Variants in CDC14B observed in about 807,000 individuals in gnomAD.
CDC14B encodes the protein cell division cycle 14B, also known as dual specificity protein phosphatase CDC14B.
In CDC14B, 22 loss-of-function variants were observed where a neutral mutation model predicts 64.2. The observed-to-expected ratio is 0.34, with a 90% CI of 0.24 to 0.49. The LOEUF (loss-of-function observed/expected upper bound fraction) is 0.49. Among genes scored for constraint, CDC14B ranks in the 20% least tolerant of loss-of-function variants. CDC14B has a pLI of 0.99. For missense variants in CDC14B, 498 were observed against 629.9 expected (o/e 0.79, Z 2.24); for synonymous variants, 191 against 215.8 (o/e 0.89, Z 1.01).
At position 96,509,681 on chromosome 9, in the gene CDC14B, A is replaced by G. The variant is rs770161035; in HGVS notation, c.1452T>C (p.Ser484=). 3 of 1,591,278 alleles carry G rather than the reference A, an allele frequency of 1.9e-6. No individual in the cohort carries two copies. The highest frequency in any genetic ancestry group is 2.2e-5 in the East Asian group (1 of 44,738). The change falls in exon 13 of 14, where the codon AGT becomes AGC. Residue 484 remains serine, a synonymous_variant. Transcript: ENST00000375241. ...TAGGATTCTTTTCTCACCTTTTAAC[A>G]CTGCTTTTCCTTGAAGCAGATCTGG... is the stretch of plus-strand genomic sequence containing the variant. ...RTTRSASRKS[S]VKSLSISRTK...
rs1588055387 is a variant in CDC14B at position 96,599,031 on chromosome 9, C to T, written c.160+20188G>A. On this transcript the variant is annotated intron_variant, in intron 1 of 13. Coordinates refer to ENST00000375241, the MANE Select transcript of CDC14B (RefSeq NM_033331.4). ...ACATTTGAACATCTCTGAAATTATG[C>T]CGTATCTTATAATTAGTAACTTACA... is the stretch of plus-strand genomic sequence containing the variant. 2.0e-5 allele frequency among the ~76,000 whole-genome samples: 3 copies of T among 152,216 alleles called. No individual in the cohort carries two copies. In the South Asian group the frequency reaches 6.2e-4, roughly 32 times the overall value.
intron 1 of CDC14B, among the ~76,000 whole-genome samples, chr9:96,579,148 T>C (rs1292133081): frequency 6.6e-6 from 1 of 151,998 alleles, no homozygotes; most frequent in African/African-American, 2.4e-5. Context: ...GCCACAGTAA[T>C]GTAAGATGAT....
rs560314778 is a variant in CDC14B at position 96,592,604 on chromosome 9, T to C, written c.160+26615A>G. On this transcript the variant is annotated intron_variant, in intron 1 of 13. Transcript: ENST00000375241. The stretch of plus-strand genomic sequence containing the variant: ...GCCTGGCCAACATAGTGAAACCCTG[T>C]CTCTACTAAAAATAGAAAAATTAGT... Among the ~76,000 whole-genome samples, 6 of 152,144 alleles carry C rather than the reference T, an allele frequency of 3.9e-5. No individual in the cohort carries two copies. The South Asian group carries it at 1.2e-3, about 32-fold the overall frequency.
chr9:96,497,976 T>C (rs897845307), downstream of CDC14B, among the ~76,000 whole-genome samples: 2 of 152,174 alleles, frequency 1.3e-5, no homozygotes, highest in African/African-American at 4.8e-5. Flanking sequence ...TCTTACAAAT[T>C]TTTGACCCAG....
At chr9:96,603,370 T>TA (rs1035984613) in intron 1 of CDC14B, among the ~76,000 whole-genome samples, 3 of 151,644 alleles carry the variant, frequency 2.0e-5, no homozygotes, top group African/African-American at 2.4e-5. Flanking sequence ...ATGAAAAACT[T>TA]AAAAAAAAGA....
chr9:96,554,382 T>C (rs60417318), intron 4 of CDC14B, among the ~76,000 whole-genome samples: 2,084 of 152,336 alleles, frequency 0.014, 51 homozygotes, highest in African/African-American at 0.047. Flanking sequence ...TAATTTTTCC[T>C]GCTTGTGATT....
chr9:96,610,096 G>GAT lies in CDC14B; in HGVS notation c.160+9121_160+9122dup, dbSNP rs1279821526. On this transcript the variant is annotated intron_variant, in intron 1 of 13. Transcript: ENST00000375241. Reference sequence around the variant, plus strand: ...TTGTTTTAAATTGGAAAGATATATAGATACACACACACACACACACACACC... The same window carrying GAT: ...TTGTTTTAAATTGGAAAGATATATAGATATACACACACACACACACACACACC... 3.4e-5 allele frequency among the ~76,000 whole-genome samples: 5 copies of GAT among 146,694 alleles called. No homozygotes were observed. In the East Asian group the frequency reaches 9.7e-4, roughly 29 times the overall value.
chr9:96,598,307 T>C (rs998481211), intron 1 of CDC14B, among the ~76,000 whole-genome samples: 12 of 152,250 alleles, frequency 7.9e-5, no homozygotes, highest in African/African-American at 2.7e-4. Context: ...AAAAGTTTGG[T>C]AACCTACTTT....
intron 9 of CDC14B, among the ~76,000 whole-genome samples, chr9:96,531,991 C>A (rs1169296978): frequency 6.6e-6 from 1 of 151,926 alleles, no homozygotes. Context: ...AATTTACTGG[C>A]GATGTTATTA....
At chr9:96,579,855 A>G (rs1454531201) in intron 1 of CDC14B, among the ~76,000 whole-genome samples, 1 of 152,206 alleles carries the variant, frequency 6.6e-6, no homozygotes, top group Admixed American at 6.5e-5. Context: ...AACACTAGAG[A>G]AAAGTGAAAC....
In CDC14B at chr9:96,561,096, C is replaced by T. The variant is rs1843116426; in HGVS notation, c.420+1597G>A. ...GGACTACAGGCATGTGCCACCACGC[C>T]CAACTAATTTTTGTATTTTTAGTAG... is the stretch of plus-strand genomic sequence containing the variant. On this transcript the variant is annotated intron_variant, in intron 4 of 13. Coordinates refer to ENST00000375241, the MANE Select transcript of CDC14B (RefSeq NM_033331.4). Among the ~76,000 whole-genome samples the T allele has an allele frequency of 2.6e-5, 4 of 152,190 alleles. No individual in the cohort carries two copies. The South Asian group carries it at 8.3e-4, about 32-fold the overall frequency.
rs571633546 is a variant in CDC14B at position 96,580,854 on chromosome 9, T to A, written c.161-15371A>T. On this transcript the variant is annotated intron_variant, in intron 1 of 13. Coordinates refer to ENST00000375241, the MANE Select transcript of CDC14B (RefSeq NM_033331.4). ...GTCATACAAAGATCAACTAAGTATT[T>A]AAAAAACCTAATTGCATGATATATG... is the stretch of plus-strand genomic sequence containing the variant. Among the ~76,000 whole-genome samples the A allele has an allele frequency of 3.9e-5, 6 of 152,352 alleles. No homozygotes were observed. The South Asian group carries it at 1.2e-3, about 32-fold the overall frequency.
intron 1 of CDC14B, among the ~76,000 whole-genome samples, chr9:96,616,067 T>C (rs1847606106): frequency 6.6e-6 from 1 of 152,196 alleles, no homozygotes; most frequent in Non-Finnish European, 1.5e-5. Context: ...GGCTCACGCC[T>C]GTAACCCCAG....
intron 1 of CDC14B, among the ~76,000 whole-genome samples, chr9:96,587,287 C>T (rs1030354835): frequency 2.0e-5 from 3 of 152,220 alleles, no homozygotes; most frequent in Non-Finnish European, 4.4e-5. Flanking sequence ...TCTCTATCTG[C>T]TCTGTCTAAT....
intron 1 of CDC14B, among the ~76,000 whole-genome samples, chr9:96,589,916 G>A (rs1318144480): frequency 1.3e-5 from 2 of 150,080 alleles, no homozygotes; most frequent in African/African-American, 2.5e-5. Context: ...AGCTGAGATT[G>A]CACCACTGCA....
intron 13 of CDC14B, among the ~76,000 whole-genome samples, 183 bp downstream of exon 13, chr9:96,509,490 G>A (rs1474334354): frequency 6.6e-6 from 1 of 152,100 alleles, no homozygotes; most frequent in African/African-American, 2.4e-5. Context: ...CAAAACAAAA[G>A]CCTACATTAA....
chr9:96,619,463 G>T lies in CDC14B; in HGVS notation c.-85C>A. ...CCGAGGCTCCCGCCAGCCCCGCGCGGGCGCTCGGGGCGGCGGGCGCAGAGC... is the reference window on the plus strand; with the variant it reads ...CCGAGGCTCCCGCCAGCCCCGCGCGTGCGCTCGGGGCGGCGGGCGCAGAGC... On this transcript the variant is annotated 5_prime_UTR_variant, in exon 1 of 14. Transcript: ENST00000375241. The T allele has an allele frequency of 1.3e-6, 1 of 760,502 alleles. No individual in the cohort carries two copies. The highest frequency in any genetic ancestry group is 1.6e-6 in the Non-Finnish European group (1 of 627,406). The allele number at this position is 760,502 out of a possible 1,614,324, so 47.1% of individuals were successfully genotyped here. A position where few individuals can be genotyped will look rare whatever the true frequency, so the allele number is the denominator to read the frequency against.
intron 1 of CDC14B, among the ~76,000 whole-genome samples, chr9:96,576,705 C>A (rs574977601): frequency 1.4e-5 from 2 of 147,504 alleles, no homozygotes; most frequent in East Asian, 2.0e-4. Flanking sequence ...GATTTTAAAT[C>A]TATCAAGCAA....
chr9:96,569,721 C>G (rs904437531), intron 1 of CDC14B, among the ~76,000 whole-genome samples: 8 of 152,072 alleles, frequency 5.3e-5, no homozygotes, highest in African/African-American at 1.9e-4. Context: ...ACCTCCCAGG[C>G]TCAAGCGATT....
Sources: allele counts gnomAD v4.1 joint callset (sites outside exome capture counted in the v4.1 genomes callset), GRCh38; gene constraint gnomAD v4.1.1; transcripts MANE v1.5; gene names NCBI Gene and HGNC (gene_info 2026-07-23, HGNC 2026-07-21).